Variants in NAB1 observed in about 807,000 individuals in gnomAD.
NAB1 encodes the protein NGFI-A binding protein 1.
In NAB1, 25 loss-of-function variants were observed where a neutral mutation model predicts 49.9. The ratio of observed to expected loss-of-function variants is 0.50; its 90% confidence interval spans 0.37 to 0.70. NAB1 has a LOEUF of 0.70. Ranked by LOEUF, NAB1 falls within the 30% of genes least tolerant of loss-of-function variation. The probability of loss-of-function intolerance (pLI) is 0.00; values close to 1 mark genes in which losing one functional copy is unlikely to be tolerated. For synonymous variants in NAB1, 198 were observed against 215.6 expected (o/e 0.92, Z 0.71); for missense variants, 489 against 575.9 (o/e 0.85, Z 1.54).
intron 4 of NAB1, among the ~76,000 whole-genome samples, chr2:190,661,659 A>G (rs1234581019): frequency 6.6e-6 from 1 of 152,218 alleles, no homozygotes; most frequent in African/African-American, 2.4e-5. Flanking sequence ...TCTTTAGATA[A>G]GTAGGTACAT....
At chr2:190,658,305 C>A (rs908871339) in intron 3 of NAB1, among the ~76,000 whole-genome samples, 2 of 152,104 alleles carry the variant, frequency 1.3e-5, no homozygotes, top group African/African-American at 4.8e-5. Flanking sequence ...AGCCTTCTAC[C>A]CTGTGCCATG....
At position 190,671,488 on chromosome 2, in the gene NAB1, AG is replaced by A. The variant is rs1205473988; in HGVS notation, c.953+1031del. On this transcript the variant is annotated intron_variant, in intron 5 of 9. Transcript: ENST00000337386. Reference sequence around the variant, plus strand: ...GCAACATTCTATGGGATTATTTATAAGGTTTTTTTTTTGGAGTTGGATAATC... The same window carrying A: ...GCAACATTCTATGGGATTATTTATAAGTTTTTTTTTTGGAGTTGGATAATC... Among the ~76,000 whole-genome samples, 5 of 152,078 alleles carry A rather than the reference AG, an allele frequency of 3.3e-5. No homozygotes were observed. In the East Asian group the frequency reaches 9.6e-4, roughly 29 times the overall value.
At chr2:190,664,457 C>G (rs1449855517) in intron 4 of NAB1, among the ~76,000 whole-genome samples, 3 of 151,884 alleles carry the variant, frequency 2.0e-5, no homozygotes, top group Non-Finnish European at 4.4e-5. Context: ...GATTCTCCCA[C>G]TCAGCCTCCT....
chr2:190,690,034 T>TATATGTATACTATACGTATA (rs1695872932), intron 9 of NAB1, among the ~76,000 whole-genome samples: 1 of 8,582 alleles, frequency 1.2e-4, no homozygotes, highest in South Asian at 3.8e-3. Context: ...GTATACTATA[T>TATATGTATACTATACGTATA]GTATACATCT....
chr2:190,662,232 T>C (rs944229027), intron 4 of NAB1, among the ~76,000 whole-genome samples: 1 of 152,218 alleles, frequency 6.6e-6, no homozygotes, highest in Non-Finnish European at 1.5e-5. Flanking sequence ...TTCAGGAAGC[T>C]ATCTATACCT....
rs147122220 is a variant in NAB1 at position 190,685,590 on chromosome 2, G to A, written c.1210G>A (p.Glu404Lys). The change falls in exon 8 of 10, where the codon GAA (glutamate) becomes AAA (lysine). Residue 404 changes from glutamate to lysine, a missense_variant. By Grantham distance (56) the Glu-to-Lys change is moderately conservative. This residue lies in a region of NAB1 where 212 missense variants were observed against 199.3 expected (regional missense o/e 1.06). Coordinates refer to ENST00000337386, the MANE Select transcript of NAB1 (RefSeq NM_005966.4). This position sits in a 1 kb window ranked among gnomAD's most constrained non-coding sequence, Gnocchi z 4.5. ...TGCAGGGCTTTACAGGCAGAGCTCA[G>A]AAGAGCACAGTCCTAACGGCTTGAC... ...LSAGLYRQSSEEHSPNGLTSD... is the reference protein window; with the variant it reads ...LSAGLYRQSSKEHSPNGLTSD... 415 of 1,613,922 alleles carry A rather than the reference G, an allele frequency of 2.6e-4. 1 individual carries two copies. The highest frequency in any genetic ancestry group is 3.3e-4 in the Non-Finnish European group (393 of 1,179,994).
Position 190,676,129 on chromosome 2 carries a change from G to A in NAB1, c.1005+2977G>A, listed in dbSNP as rs953721005. Among the ~76,000 whole-genome samples the A allele has an allele frequency of 6.6e-6, 1 of 152,068 alleles. No homozygotes were observed. Among genetic ancestry groups the A allele is most frequent in the African/African-American group, 2.4e-5 (1 of 41,400 alleles). On this transcript the variant is annotated intron_variant, in intron 6 of 9. Coordinates refer to ENST00000337386, the MANE Select transcript of NAB1 (RefSeq NM_005966.4). The surrounding 1 kb of genome is among the most constrained non-coding windows in gnomAD (Gnocchi z 4.6). ...AATTTCTGGTATGAGAAGAGATCAG[G>A]GGAGACTATTGGGAAGGTGTAATTT...
intron 4 of NAB1, among the ~76,000 whole-genome samples, chr2:190,660,396 A>C (rs774296564): frequency 1.9e-4 from 29 of 152,220 alleles, no homozygotes; most frequent in Non-Finnish European, 4.1e-4. Flanking sequence ...AATAGCAAGA[A>C]CTTAAAGCAA....
chr2:190,672,676 A>T (rs1249700743), intron 5 of NAB1, among the ~76,000 whole-genome samples: 1 of 152,120 alleles, frequency 6.6e-6, no homozygotes, highest in Admixed American at 6.5e-5. Flanking sequence ...ATGATCATTA[A>T]ATATTTATTA....
rs905721067 is a variant in NAB1 at position 190,651,698 on chromosome 2, A to G, written c.-197+1716A>G. On this transcript the variant is annotated intron_variant, in intron 2 of 9. Transcript: ENST00000337386. This position sits in a 1 kb window ranked among gnomAD's most constrained non-coding sequence, Gnocchi z 4.3. ...TAGGACTCATTTATTCCATTATAAC[A>G]AGCCTGGAGCTGTTTTTTGTGAGTG... Among the ~76,000 whole-genome samples, 2 of 152,210 alleles carry G rather than the reference A, an allele frequency of 1.3e-5. No homozygotes were observed. Among genetic ancestry groups the G allele is most frequent in the Non-Finnish European group, 2.9e-5 (2 of 68,034 alleles).
rs1574480717 is a variant in NAB1, at chr2:190,685,747, A to G, written c.1258+109A>G. 1.7e-5 allele frequency: 15 copies of G among 878,024 alleles called. No individual in the cohort carries two copies. The Admixed American group carries it at 2.7e-4, about 16-fold the overall frequency. The allele number at this position is 878,024 out of a possible 1,614,324, so 54.4% of individuals were successfully genotyped here. ...TATGATATTTTGTAGAGATTATTTT[A>G]CAGGTTCTCTTATCAAAATTATTTT... On this transcript the variant is annotated intron_variant, in intron 8 of 9. Transcript: ENST00000337386. The surrounding 1 kb of genome is among the most constrained non-coding windows in gnomAD (Gnocchi z 4.5).
In NAB1 at chr2:190,679,862, A is replaced by C. The variant is rs532884953; in HGVS notation, c.1006-3876A>C. Among the ~76,000 whole-genome samples, 1 of 152,220 alleles carries C rather than the reference A, an allele frequency of 6.6e-6. No homozygotes were observed. Among genetic ancestry groups the C allele is most frequent in the Non-Finnish European group, 1.5e-5 (1 of 68,004 alleles). On this transcript the variant is annotated intron_variant, in intron 6 of 9. Coordinates refer to ENST00000337386, the MANE Select transcript of NAB1 (RefSeq NM_005966.4). The surrounding 1 kb of genome is among the most constrained non-coding windows in gnomAD (Gnocchi z 5.3). ...TCTGCTGATGAACTGATAACCCTCT[A>C]ATCTGGGTCTCCAGCCTTGATTTTA...
chr2:190,683,407 A>G (rs1695454078), intron 6 of NAB1, among the ~76,000 whole-genome samples: 1 of 148,084 alleles, frequency 6.8e-6, no homozygotes, highest in Non-Finnish European at 1.5e-5. Context: ...TGGCCTCCCA[A>G]AGTGCTGGGA....
At chr2:190,681,428 G>GA (rs1695338141) in intron 6 of NAB1, among the ~76,000 whole-genome samples, 1 of 71,880 alleles carries the variant, frequency 1.4e-5, no homozygotes, top group Non-Finnish European at 3.1e-5. Context: ...AGTCTAAATA[G>GA]AAAACTTATT....
chr2:190,687,866 CAT>C (rs1467976632), intron 9 of NAB1, among the ~76,000 whole-genome samples: 12 of 152,096 alleles, frequency 7.9e-5, no homozygotes, highest in Non-Finnish European at 1.6e-4. Flanking sequence ...TTGGCAATAA[CAT>C]AATATGAAAT....
intron 4 of NAB1, among the ~76,000 whole-genome samples, chr2:190,664,093 CTG>C (rs1361506389): frequency 6.6e-6 from 1 of 152,088 alleles, no homozygotes; most frequent in African/African-American, 2.4e-5. Context: ...CTATATGTGT[CTG>C]TTCTAACAAG....
Position 190,659,806 on chromosome 2 carries a change from G to A in NAB1, c.630G>A (p.Leu210=). 6.2e-7 allele frequency: 1 copy of A among 1,614,170 alleles called. No homozygotes were observed. Among genetic ancestry groups the A allele is most frequent in the Non-Finnish European group, 8.5e-7 (1 of 1,180,012 alleles). ...GTGTGGAGCGGATGGCCCCCACACT[G>A]CCAAAAAGTGACTTGAATGAAGTGA... ...AECVERMAPT[L]PKSDLNEVKE... Residue 210 remains leucine, a synonymous_variant, in exon 4 of 10, where the codon CTG becomes CTA. Transcript: ENST00000337386. The surrounding 1 kb of genome is among the most constrained non-coding windows in gnomAD (Gnocchi z 6.2).
chr2:190,651,024 G>GT lies in NAB1; in HGVS notation c.-197+1049dup, dbSNP rs1384765024. 9.9e-5 allele frequency among the ~76,000 whole-genome samples: 15 copies of GT among 152,150 alleles called. No individual in the cohort carries two copies. The highest frequency in any genetic ancestry group is 2.6e-4 in the Admixed American group (4 of 15,288). ...AATATGCCATTTCGAGATTAAAAAT[G>GT]TTTTTTTCCCGACTCTGATGGTCTC... On this transcript the variant is annotated intron_variant, in intron 2 of 9. Coordinates refer to ENST00000337386, the MANE Select transcript of NAB1 (RefSeq NM_005966.4). The surrounding 1 kb of genome is among the most constrained non-coding windows in gnomAD (Gnocchi z 4.3).
rs551563455 is a variant in NAB1 at position 190,652,328 on chromosome 2, A to G, written c.-197+2346A>G. Reference sequence around the variant, plus strand: ...AAAAAAACTTATAAATATTGCCTGCATACTCTGTGCTCAGTGGGTACTTAA... The same window carrying G: ...AAAAAAACTTATAAATATTGCCTGCGTACTCTGTGCTCAGTGGGTACTTAA... On this transcript the variant is annotated intron_variant, in intron 2 of 9. Transcript: ENST00000337386. The surrounding 1 kb of genome is among the most constrained non-coding windows in gnomAD (Gnocchi z 4.2). Among the ~76,000 whole-genome samples the G allele has an allele frequency of 6.6e-6, 1 of 152,376 alleles. No homozygotes were observed. Among genetic ancestry groups the G allele is most frequent in the South Asian group, 2.1e-4 (1 of 4,830 alleles).
Sources: gnomAD v4.1 joint callset for allele counts (sites outside exome capture counted in the v4.1 genomes callset) on GRCh38, gnomAD v4.1.1 for gene constraint, gnomAD v4.1.1 regional missense constraint, Gnocchi (gnomAD v3.1) non-coding constraint, MANE v1.5 for transcripts, NCBI Gene and HGNC (gene_info 2026-07-23, HGNC 2026-07-21) for gene names.